The following EPHA3 variants were observed in gnomAD, a reference collection of about 807,000 sequenced individuals.
EPHA3 encodes the protein ephrin type-A receptor 3.
Under a neutral mutation model 107.1 loss-of-function variants are expected in EPHA3, and 42 were observed. The ratio of observed to expected loss-of-function variants is 0.39; its 90% CI spans 0.31 to 0.51. EPHA3 has a LOEUF of 0.51. Among genes scored for constraint, EPHA3 ranks in the 20% least tolerant of loss-of-function variants. The probability of loss-of-function intolerance (pLI) is 0.78; values close to 1 mark genes in which losing one functional copy is unlikely to be tolerated. For missense variants in EPHA3, 1,183 were observed against 1,211.2 expected, an observed-to-expected ratio of 0.98 and a Z score of 0.35; for synonymous variants, 461 against 424.8, an observed-to-expected ratio of 1.09 and a Z score of -1.05.
intron 1 of EPHA3, among the ~76,000 whole-genome samples, chr3:89,123,395 G>C (rs1291542623): frequency 6.6e-6 from 1 of 152,064 alleles, no homozygotes; most frequent in South Asian, 2.1e-4. Context: ...CACTTGCCTT[G>C]GCCTCCCAAA....
intron 13 of EPHA3, among the ~76,000 whole-genome samples, chr3:89,436,071 G>A (rs1029490723): frequency 2.0e-5 from 3 of 151,834 alleles, no homozygotes; most frequent in African/African-American, 7.2e-5. Flanking sequence ...AGTCCAGGAG[G>A]TTGAAGCTGC....
chr3:89,458,119 T>C (rs1710136924), intron 15 of EPHA3, among the ~76,000 whole-genome samples: 1 of 152,156 alleles, frequency 6.6e-6, no homozygotes, highest in Non-Finnish European at 1.5e-5. Flanking sequence ...TAACAAGGTG[T>C]AGTGGCAGCC....
chr3:89,410,856 G>A (rs1709144558), intron 9 of EPHA3, among the ~76,000 whole-genome samples: 1 of 151,738 alleles, frequency 6.6e-6, no homozygotes. Flanking sequence ...TTTAGTACTG[G>A]TAATGTTAGA....
At position 89,314,169 on chromosome 3, in the gene EPHA3, T is replaced by C. The variant is rs186936940; in HGVS notation, c.815-26747T>C. On this transcript the variant is annotated intron_variant, in intron 3 of 16. Transcript: ENST00000336596. ...AGGTCAATTTCACTATCTCAAATCA[T>C]ATAGTCAAATTTCAAATTTTGTCAA... 4.3e-4 allele frequency among the ~76,000 whole-genome samples: 66 copies of C among 152,088 alleles called. 1 individual carries two copies. Among genetic ancestry groups the C allele is most frequent in the Admixed American group, 4.3e-3 (66 of 15,216 alleles).
intron 2 of EPHA3, among the ~76,000 whole-genome samples, chr3:89,154,871 CAT>C (rs916343337): frequency 2.0e-5 from 3 of 147,694 alleles, no homozygotes; most frequent in Non-Finnish European, 4.5e-5. Flanking sequence ...CATCTAAGAA[CAT>C]ATATATATAA....
At chr3:89,239,828 T>C (rs928648619) in intron 3 of EPHA3, among the ~76,000 whole-genome samples, 1 of 152,220 alleles carries the variant, frequency 6.6e-6, no homozygotes, top group Non-Finnish European at 1.5e-5. Context: ...GAGTTTCATG[T>C]TTCAGTATGC....
At chr3:89,311,452 A>T (rs973194769) in intron 3 of EPHA3, among the ~76,000 whole-genome samples, 1 of 152,042 alleles carries the variant, frequency 6.6e-6, no homozygotes, top group Admixed American at 6.6e-5. Context: ...TGGTGGTGTG[A>T]TTTGAGTAAC....
At chr3:89,194,589 C>CA (rs1381912275) in intron 2 of EPHA3, among the ~76,000 whole-genome samples, 1 of 152,040 alleles carries the variant, frequency 6.6e-6, no homozygotes, top group African/African-American at 2.4e-5. Context: ...ATTGTTAGGA[C>CA]AAAATCTCTG....
chr3:89,169,224 A>G (rs1486972179), intron 2 of EPHA3, among the ~76,000 whole-genome samples: 2 of 152,146 alleles, frequency 1.3e-5, no homozygotes. Context: ...TAATAATTTT[A>G]TCACTGCTAA....
chr3:89,361,301 C>G (rs1336181240), intron 5 of EPHA3, among the ~76,000 whole-genome samples: 8 of 150,806 alleles, frequency 5.3e-5, no homozygotes, highest in African/African-American at 1.9e-4. Context: ...TCATGTGTAG[C>G]CTAAGATATA....
At chr3:89,159,651 G>T (rs188671150) in intron 2 of EPHA3, among the ~76,000 whole-genome samples, 1 of 152,136 alleles carries the variant, frequency 6.6e-6, no homozygotes, top group Non-Finnish European at 1.5e-5. Flanking sequence ...TGATGATTGT[G>T]TATCTAAATA....
intron 1 of EPHA3, among the ~76,000 whole-genome samples, chr3:89,110,883 T>C (rs544979079): frequency 6.6e-6 from 1 of 152,142 alleles, no homozygotes; most frequent in Admixed American, 6.5e-5. Context: ...CTTTAAACAC[T>C]TTTATACATT....
chr3:89,271,493 C>T (rs890754145), intron 3 of EPHA3, among the ~76,000 whole-genome samples: 2 of 151,822 alleles, frequency 1.3e-5, no homozygotes, highest in African/African-American at 4.8e-5. Context: ...TTTCTCTCAC[C>T]TTTAGTGTTC....
intron 3 of EPHA3, among the ~76,000 whole-genome samples, chr3:89,307,869 GATT>G (rs1706664111): frequency 6.6e-6 from 1 of 152,046 alleles, no homozygotes; most frequent in South Asian, 2.1e-4. Flanking sequence ...ATCTCTTTTG[GATT>G]GTTTACCTTT....
At chr3:89,134,938 C>T (rs140112008) in intron 2 of EPHA3, among the ~76,000 whole-genome samples, 31 of 152,176 alleles carry the variant, frequency 2.0e-4, no homozygotes, top group African/African-American at 5.8e-4. Flanking sequence ...AAAAACAAAA[C>T]GAGAAATGCA....
At chr3:89,256,405 T>C (rs1397673322) in intron 3 of EPHA3, among the ~76,000 whole-genome samples, 3 of 150,590 alleles carry the variant, frequency 2.0e-5, no homozygotes, top group South Asian at 2.1e-4. Flanking sequence ...ACCCTGTCTC[T>C]ACTAAAAACA....
rs761543893 is a variant in EPHA3 at position 89,408,149 on chromosome 3, G to C, written c.1762+18G>C. 7.4e-6 allele frequency: 12 copies of C among 1,611,604 alleles called. No homozygotes were observed. Among genetic ancestry groups the C allele is most frequent in the Admixed American group, 1.7e-5 (1 of 59,866 alleles). On this transcript the variant is annotated intron_variant, in intron 9 of 16. Coordinates refer to ENST00000336596, the MANE Select transcript of EPHA3 (RefSeq NM_005233.6). Reference sequence around the variant, plus strand: ...TGGGCATTGTAAGTTTCTAAACTTGGCTTTTTGTTTTGCTTCACCGTTTTA... The same window carrying C: ...TGGGCATTGTAAGTTTCTAAACTTGCCTTTTTGTTTTGCTTCACCGTTTTA...
intron 3 of EPHA3, among the ~76,000 whole-genome samples, chr3:89,220,954 G>T (rs187136374): frequency 6.6e-6 from 1 of 152,236 alleles, no homozygotes; most frequent in East Asian, 1.9e-4. Context: ...GAGCTTGGTG[G>T]AATCATGTCT....
intron 5 of EPHA3, among the ~76,000 whole-genome samples, chr3:89,382,320 C>T (rs910008734): frequency 6.6e-6 from 1 of 151,770 alleles, no homozygotes; most frequent in Non-Finnish European, 1.5e-5. Context: ...CCAGCCTGGC[C>T]AACATGGTGA....
Sources: gnomAD v4.1 joint callset for allele counts (sites outside exome capture counted in the v4.1 genomes callset) on GRCh38, gnomAD v4.1.1 for gene constraint, MANE v1.5 for transcripts, NCBI Gene and HGNC (gene_info 2026-07-23, HGNC 2026-07-21) for gene names.